Variants in PYGO2 observed in about 807,000 individuals in gnomAD.
PYGO2 encodes pygopus homolog 2.
In PYGO2, 9 loss-of-function variants were observed where a neutral mutation model predicts 26.7. The observed-to-expected ratio is 0.34, with a 90% CI of 0.20 to 0.59. The LOEUF (loss-of-function observed/expected upper bound fraction) is 0.59, where lower values mean the gene tolerates loss of function less well. Ranked by LOEUF, PYGO2 falls within the 20% of genes least tolerant of loss-of-function variation. The pLI, the probability that PYGO2 is intolerant of heterozygous loss-of-function variation, is 0.84. For missense variants in PYGO2, 538 were observed against 561.5 expected, an observed-to-expected ratio of 0.96 and a Z score of 0.42; for synonymous variants, 236 against 219.0, an observed-to-expected ratio of 1.08 and a Z score of -0.68.
chr1:154,958,708 C>T lies in PYGO2; in HGVS notation c.*71G>A. On this transcript the variant is annotated 3_prime_UTR_variant, in exon 3 of 3. Coordinates refer to ENST00000368457, the MANE Select transcript of PYGO2 (RefSeq NM_138300.4). ...GCCAGTGGAAACAAGGACCAAGAGC[C>T]AAACATCAAAAAAATCACCCTGGAA... The T allele has an allele frequency of 7.5e-7, 1 of 1,336,792 alleles. No individual in the cohort carries two copies. Among genetic ancestry groups the T allele is most frequent in the Non-Finnish European group, 1.0e-6 (1 of 958,436 alleles). The allele number at this position is 1,336,792 out of a possible 1,614,324, so 82.8% of individuals were successfully genotyped here.
At position 154,959,227 on chromosome 1, in the gene PYGO2, T is replaced by A; in HGVS notation, c.773A>T (p.Asp258Val). 1 of 1,567,538 alleles carries A rather than the reference T, an allele frequency of 6.4e-7. No homozygotes were observed. The highest frequency in any genetic ancestry group is 1.9e-5 in the Admixed American group (1 of 52,560). The change falls in exon 3 of 3, where the codon GAT becomes GTT. Residue 258 changes from aspartate (D) to valine (V), a missense_variant. Physicochemically the swap from Asp to Val is radical, Grantham distance 152. Around this residue, in one of 4 missense-constraint regions of PYGO2, gnomAD observed 381 missense variants for 336.6 expected, o/e 1.13. Transcript: ENST00000368457. This position sits in a 1 kb window ranked among gnomAD's most constrained non-coding sequence, Gnocchi z 4.7. ...DPGFPGPGGEDGGKPLNPPAS... is the reference protein window; with the variant it reads ...DPGFPGPGGEVGGKPLNPPAS... ...AGGTGGATTCAAGGGCTTCCCCCCA[T>A]CCTCACCACCAGGGCCAGGAAAGCC...
rs774749200 is a variant in PYGO2 at position 154,959,013 on chromosome 1, T to C, written c.987A>G (p.Pro329=). Reference sequence around the variant, plus strand: ...TCACCTCACTCCGACAGGCACCACATGGGTACACCAAGCCTGGGGGAGGCT... The same window carrying C: ...TCACCTCACTCCGACAGGCACCACACGGGTACACCAAGCCTGGGGGAGGCT... ...GPQPPPGLVY[P]CGACRSEVND... The change falls in exon 3 of 3, where the codon CCA becomes CCG. Residue 329 remains proline, a synonymous_variant. Coordinates refer to ENST00000368457, the MANE Select transcript of PYGO2 (RefSeq NM_138300.4). This position sits in a 1 kb window ranked among gnomAD's most constrained non-coding sequence, Gnocchi z 4.7. The C allele has an allele frequency of 3.2e-5, 52 of 1,613,696 alleles. No homozygotes were observed. Among genetic ancestry groups the C allele is most frequent in the Non-Finnish European group, 8.5e-7 (1 of 1,180,000 alleles).
intron 1 of PYGO2, 60 bp downstream of exon 1, chr1:154,961,413 TC>T: frequency 9.2e-7 from 1 of 1,088,044 alleles, no homozygotes; most frequent in Non-Finnish European, 1.3e-6. Context: ...CCACCATCCC[TC>T]CCCTCTGAGG....
At position 154,959,675 on chromosome 1, in the gene PYGO2, C is replaced by A. The variant is rs61751622; in HGVS notation, c.325G>T (p.Gly109Cys). Reference sequence around the variant, plus strand: ...CCTGGGGGTACCTGGCCCGCCATGCCCCCCTGCACACGGAAGCCTCCGAAG... The same window carrying A: ...CCTGGGGGTACCTGGCCCGCCATGCACCCCTGCACACGGAAGCCTCCGAAG... ...VPFGGFRVQG[G>C]MAGQVPPGYS... Residue 109 changes from glycine to cysteine, a missense_variant, in exon 3 of 3, where the codon GGC (glycine) becomes TGC (cysteine). Physicochemically the swap from Gly to Cys is radical, Grantham distance 159. Transcript: ENST00000368457. The surrounding 1 kb of genome is among the most constrained non-coding windows in gnomAD (Gnocchi z 4.7). The A allele has an allele frequency of 1.4e-6, 2 of 1,434,188 alleles. No individual in the cohort carries two copies. Among genetic ancestry groups the A allele is most frequent in the Non-Finnish European group, 1.8e-6 (2 of 1,088,312 alleles). The allele number at this position is 1,434,188 out of a possible 1,614,324, so 88.8% of individuals were successfully genotyped here. A position where few individuals can be genotyped will look rare whatever the true frequency, so the allele number is the denominator to read the frequency against.
In PYGO2 at chr1:154,961,538, CT is replaced by C; in HGVS notation, c.38del (p.Glu13GlyfsTer26). ...ASAPPPPDKL[E>X]GGGGPAPPPA... Reference sequence around the variant, plus strand: ...GGGGCGGTGCGGGGCCGCCACCTCCCTCCAGCTTGTCCGGTGGGGGCGGCGC... The same window carrying C: ...GGGGCGGTGCGGGGCCGCCACCTCCCCCAGCTTGTCCGGTGGGGGCGGCGC... On this transcript the variant is annotated frameshift_variant, in exon 1 of 3. Transcript: ENST00000368457. LOFTEE classifies it high-confidence loss of function. The C allele has an allele frequency of 7.1e-7, 1 of 1,403,612 alleles. No homozygotes were observed. The highest frequency in any genetic ancestry group is 1.5e-5 in the South Asian group (1 of 65,936). 86.9% of individuals were successfully genotyped at this position (1,403,612 alleles called of 1,614,324 possible). A position where few individuals can be genotyped will look rare whatever the true frequency, so the allele number is the denominator to read the frequency against.
chr1:154,961,377 C>G, intron 1 of PYGO2, 97 bp downstream of exon 1: 1 of 810,836 alleles, frequency 1.2e-6, no homozygotes, highest in Non-Finnish European at 1.9e-6. Context: ...TCCCTTCAAG[C>G]CTTCAGACTG....
intron 1 of PYGO2, 54 bp downstream of exon 1, chr1:154,961,420 T>G: frequency 8.4e-7 from 1 of 1,191,192 alleles, no homozygotes; most frequent in Non-Finnish European, 1.1e-6. Context: ...CCCTCCCCTC[T>G]GAGGTTCCCA....
rs998534693 is a variant in PYGO2 at position 154,959,546 on chromosome 1, G to A, written c.454C>T (p.Pro152Ser). ...GPAFNMPPQG[P>S]GYPPPGNMNF... ...ATGTTGCCTGGGGGTGGGTAGCCAGGACCCTGGGGGGGCATGTTGAAAGCA... is the reference window on the plus strand; with the variant it reads ...ATGTTGCCTGGGGGTGGGTAGCCAGAACCCTGGGGGGGCATGTTGAAAGCA... Residue 152 changes from proline to serine, a missense_variant, in exon 3 of 3, where the codon CCT becomes TCT. Pro to Ser is a moderately conservative substitution (Grantham distance 74). Transcript: ENST00000368457. The surrounding 1 kb of genome is among the most constrained non-coding windows in gnomAD (Gnocchi z 4.7). 32 of 1,469,014 alleles carry A rather than the reference G, an allele frequency of 2.2e-5. No homozygotes were observed. The highest frequency in any genetic ancestry group is 2.9e-5 in the Non-Finnish European group (32 of 1,108,090). The allele number at this position is 1,469,014 out of a possible 1,614,324, so 91.0% of individuals were successfully genotyped here. A position where few individuals can be genotyped will look rare whatever the true frequency, so the allele number is the denominator to read the frequency against.
At chr1:154,961,395 C>G (rs1655357159) in intron 1 of PYGO2, 79 bp downstream of exon 1, 8 of 943,758 alleles carry the variant, frequency 8.5e-6, no homozygotes, top group Non-Finnish European at 1.2e-5. Flanking sequence ...CTGTGAAACA[C>G]CCCCCGCCCA....
chr1:154,960,504 T>C (rs1028199793), intron 2 of PYGO2, among the ~76,000 whole-genome samples: 1 of 150,680 alleles, frequency 6.6e-6, no homozygotes, highest in Admixed American at 6.6e-5. Context: ...AACTATGTTT[T>C]AAAAACAGGC....
intron 2 of PYGO2, among the ~76,000 whole-genome samples, chr1:154,960,682 ATCAG>A (rs544940075): frequency 6.0e-4 from 91 of 152,288 alleles, no homozygotes; most frequent in Non-Finnish European, 1.1e-3. Context: ...TAAAAAAAGG[ATCAG>A]TAAGTGGTAG....
At chr1:154,960,146 T>C (rs529512945) in intron 2 of PYGO2, among the ~76,000 whole-genome samples, 1 of 151,332 alleles carries the variant, frequency 6.6e-6, no homozygotes, top group East Asian at 1.9e-4. Context: ...GCGCCTGTAG[T>C]CCCAGCTACT....
chr1:154,958,980 G>C lies in PYGO2; in HGVS notation c.1020C>G (p.Asp340Glu). ...CGACRSEVND[D>E]QDAILCEASC... ...AGGCCTCACACAGAATGGCATCCTG[G>C]TCATCGTTCACCTCACTCCGACAGG... Residue 340 changes from aspartate (D) to glutamate (E), a missense_variant, in exon 3 of 3, where the codon GAC (aspartate) becomes GAG (glutamate). Asp to Glu is a conservative substitution (Grantham distance 45). Coordinates refer to ENST00000368457, the MANE Select transcript of PYGO2 (RefSeq NM_138300.4). 1 of 1,614,034 alleles carries C rather than the reference G, an allele frequency of 6.2e-7. No individual in the cohort carries two copies. The highest frequency in any genetic ancestry group is 1.3e-5 in the African/African-American group (1 of 75,052).
chr1:154,959,712 G>A lies in PYGO2; in HGVS notation c.288C>T (p.Gly96=), dbSNP rs1655280705. 5 of 1,422,796 alleles carry A rather than the reference G, an allele frequency of 3.5e-6. No homozygotes were observed. The highest frequency in any genetic ancestry group is 4.6e-6 in the Non-Finnish European group (5 of 1,080,888). The allele number at this position is 1,422,796 out of a possible 1,614,324, so 88.1% of individuals were successfully genotyped here. Residue 96 remains glycine, a synonymous_variant, in exon 3 of 3, where the codon GGC becomes GGT. Transcript: ENST00000368457. The surrounding 1 kb of genome is among the most constrained non-coding windows in gnomAD (Gnocchi z 4.7). ...GGAAGCCTCCGAAGGGCACAGGACT[G>A]CCAAGGAATGGAGGGGCTGCAACCC... ...KVGVAAPPFL[G]SPVPFGGFRV...
chr1:154,959,776 G>T lies in PYGO2; in HGVS notation c.224C>A (p.Ser75Tyr). The part of the protein sequence containing the change: ...PTPMVDHLVA[S>Y]NPFEDDFGAP... ...TCCGAAGTCATCTTCAAAAGGGTTG[G>T]ATGCAACCAGGTGATCCACCATGGG... The change falls in exon 3 of 3, where the codon TCC becomes TAC. Residue 75 changes from serine (S) to tyrosine (Y), a missense_variant. Coordinates refer to ENST00000368457, the MANE Select transcript of PYGO2 (RefSeq NM_138300.4). The surrounding 1 kb of genome is among the most constrained non-coding windows in gnomAD (Gnocchi z 4.7). 1 of 1,394,560 alleles carries T rather than the reference G, an allele frequency of 7.2e-7. No individual in the cohort carries two copies. The highest frequency in any genetic ancestry group is 1.8e-5 in the South Asian group (1 of 54,456). 86.4% of individuals were successfully genotyped at this position (1,394,560 alleles called of 1,614,324 possible). A position where few individuals can be genotyped will look rare whatever the true frequency, so the allele number is the denominator to read the frequency against.
At position 154,959,361 on chromosome 1, in the gene PYGO2, T is replaced by C. The variant is rs1265229319; in HGVS notation, c.639A>G (p.Gln213=). Reference sequence around the variant, plus strand: ...AAGGAGCCCCTGGCTGAGCAAATCGTTGGGACAGAGAAGGTGGGCCCAGCT... The same window carrying C: ...AAGGAGCCCCTGGCTGAGCAAATCGCTGGGACAGAGAAGGTGGGCCCAGCT... ...RAELGPPSLS[Q]RFAQPGAPFG... is the part of the protein sequence containing the mutation. Residue 213 remains glutamine, a synonymous_variant, in exon 3 of 3, where the codon CAA becomes CAG. Coordinates refer to ENST00000368457, the MANE Select transcript of PYGO2 (RefSeq NM_138300.4). This position sits in a 1 kb window ranked among gnomAD's most constrained non-coding sequence, Gnocchi z 4.7. The C allele has an allele frequency of 1.9e-6, 3 of 1,610,446 alleles. No homozygotes were observed. Among genetic ancestry groups the C allele is most frequent in the East Asian group, 4.5e-5 (2 of 44,860 alleles).
rs1372776877 is a variant in PYGO2, at chr1:154,958,747, C to CA, written c.*31dup. 5 of 1,559,052 alleles carry CA rather than the reference C, an allele frequency of 3.2e-6. No homozygotes were observed. Among genetic ancestry groups the CA allele is most frequent in the Middle Eastern group, 1.7e-4 (1 of 5,876 alleles). ...ATCACCCTGGAAGAGCAGGGAGAGA[C>CA]ATGTGCACTTCCCTGGGCCACTTCA... On this transcript the variant is annotated 3_prime_UTR_variant, in exon 3 of 3. Transcript: ENST00000368457.
At chr1:154,960,403 C>CAAAAAA (rs542540625) in intron 2 of PYGO2, among the ~76,000 whole-genome samples, 1 of 30,012 alleles carries the variant, frequency 3.3e-5, no homozygotes, top group Non-Finnish European at 7.4e-5. Context: ...TCTGTTACTA[C>CAAAAAA]AAAAAAAAAA....
intron 1 of PYGO2, 119 bp downstream of exon 1, chr1:154,961,355 T>C (rs1571410267): frequency 2.9e-6 from 2 of 694,978 alleles, no homozygotes; most frequent in African/African-American, 3.8e-5. Flanking sequence ...ACCCATCCTT[T>C]TCACCTGAGC....
Sources: gnomAD v4.1 joint callset for allele counts (sites outside exome capture counted in the v4.1 genomes callset) on GRCh38, gnomAD v4.1.1 for gene constraint, gnomAD v4.1.1 regional missense constraint, Gnocchi (gnomAD v3.1) non-coding constraint, MANE v1.5 for transcripts, NCBI Gene and HGNC (gene_info 2026-07-23, HGNC 2026-07-21) for gene names.